Variants in TCF7L2 observed in about 807,000 individuals in gnomAD.
The protein encoded by TCF7L2 is transcription factor 7 like 2, also known as transcription factor 7-like 2.
TCF7L2 carries 23 observed loss-of-function variants against 77.9 expected under a neutral mutation model. The observed-to-expected ratio is 0.30, with a 90% confidence interval of 0.21 to 0.42. The LOEUF (loss-of-function observed/expected upper bound fraction) is 0.42. Among genes scored for constraint, TCF7L2 ranks in the 10% least tolerant of loss-of-function variants. The pLI is 1.00. For missense variants in TCF7L2, 654 were observed against 793.1 expected (o/e 0.82, Z 2.11); for synonymous variants, 413 against 340.2 (o/e 1.21, Z -2.36).
intron 5 of TCF7L2, among the ~76,000 whole-genome samples, chr10:113,092,492 G>T (rs1175781120): frequency 6.6e-6 from 1 of 152,246 alleles, no homozygotes; most frequent in African/African-American, 2.4e-5. Flanking sequence ...GTGTGTCTGT[G>T]TGATGGGCCA....
chr10:113,011,841 C>T (rs1226611766), intron 4 of TCF7L2, among the ~76,000 whole-genome samples: 1 of 151,652 alleles, frequency 6.6e-6, no homozygotes, highest in African/African-American at 2.4e-5. Flanking sequence ...TTGAGTATTA[C>T]CACCTTGAGT....
intron 4 of TCF7L2, among the ~76,000 whole-genome samples, chr10:113,011,690 G>T (rs550567789): frequency 2.1e-4 from 32 of 152,140 alleles, no homozygotes; most frequent in Admixed American, 2.0e-3. Context: ...GAGTATTACT[G>T]TTGAGCATAA....
chr10:113,064,480 C>T (rs1333993478), intron 5 of TCF7L2, among the ~76,000 whole-genome samples: 1 of 152,186 alleles, frequency 6.6e-6, no homozygotes, highest in Non-Finnish European at 1.5e-5. Context: ...CTACCTGTAA[C>T]ACTTTTATAA....
chr10:113,061,509 T>C (rs1251369034), intron 5 of TCF7L2, among the ~76,000 whole-genome samples: 1 of 152,184 alleles, frequency 6.6e-6, no homozygotes, highest in Non-Finnish European at 1.5e-5. Flanking sequence ...CCCTCTTATG[T>C]CTAGGTGTGA....
rs116030218 is a variant in TCF7L2, at chr10:113,128,334, C to A, written c.553-12850C>A. Among the ~76,000 whole-genome samples, 235 of 152,258 alleles carry A rather than the reference C, an allele frequency of 1.5e-3. 1 individual carries two copies. The highest frequency in any genetic ancestry group is 5.3e-3 in the African/African-American group (222 of 41,550). ...TTCCCACTTTTTTGTTATTTTTAAG[C>A]CTGCCCAGCCCTTGTTTTTGTTGAT... On this transcript the variant is annotated intron_variant, in intron 5 of 13. Transcript: ENST00000627217.
At chr10:112,962,553 G>A (rs1282272138) in intron 3 of TCF7L2, among the ~76,000 whole-genome samples, 1 of 152,076 alleles carries the variant, frequency 6.6e-6, no homozygotes, top group Admixed American at 6.6e-5. Context: ...GGGACAAAGG[G>A]TGCAAAGTCA....
intron 5 of TCF7L2, among the ~76,000 whole-genome samples, chr10:113,041,577 G>A (rs916529553): frequency 5.9e-5 from 9 of 152,184 alleles, no homozygotes; most frequent in African/African-American, 2.2e-4. Flanking sequence ...GCTGTGGCTG[G>A]TTCTGTTTTG....
chr10:112,970,680 G>C (rs546672539), intron 4 of TCF7L2, among the ~76,000 whole-genome samples: 2 of 152,096 alleles, frequency 1.3e-5, no homozygotes, highest in African/African-American at 2.4e-5. Flanking sequence ...TTTGCAGGGC[G>C]CTTGACTTTC....
At chr10:112,972,708 C>T (rs1393299169) in intron 4 of TCF7L2, among the ~76,000 whole-genome samples, 7 of 152,108 alleles carry the variant, frequency 4.6e-5, no homozygotes. Flanking sequence ...TGAGCTCAAG[C>T]TCTCCGCCTG....
At chr10:113,142,829 G>A (rs1231578591) in intron 6 of TCF7L2, among the ~76,000 whole-genome samples, 2 of 152,240 alleles carry the variant, frequency 1.3e-5, no homozygotes, top group Non-Finnish European at 2.9e-5. Context: ...TCTGTGGACT[G>A]TTTACTTTTC....
intron 5 of TCF7L2, among the ~76,000 whole-genome samples, chr10:113,114,899 C>T (rs1431256557): frequency 1.3e-5 from 2 of 152,072 alleles, no homozygotes; most frequent in Non-Finnish European, 1.5e-5. Context: ...AATTCAATAG[C>T]GTATTGAAAT....
In TCF7L2 at chr10:113,124,662, G is replaced by A. The variant is rs1456446239; in HGVS notation, c.553-16522G>A. Among the ~76,000 whole-genome samples, 3 of 152,074 alleles carry A rather than the reference G, an allele frequency of 2.0e-5. No homozygotes were observed. In the East Asian group the frequency reaches 5.8e-4, roughly 29 times the overall value. ...GATTTGGGTGAATTCAAATATGTTG[G>A]TTATGCCAGGTAAGCTGCAAATTTT... On this transcript the variant is annotated intron_variant, in intron 5 of 13. Transcript: ENST00000627217.
At chr10:113,042,185 A>G (rs1313811984) in intron 5 of TCF7L2, among the ~76,000 whole-genome samples, 1 of 152,208 alleles carries the variant, frequency 6.6e-6, no homozygotes, top group Admixed American at 6.5e-5. Flanking sequence ...ATGGCAAAAC[A>G]TTCCTTCCAG....
intron 12 of TCF7L2, among the ~76,000 whole-genome samples, 176 bp downstream of exon 14, chr10:113,160,168 G>A (rs1419837245): frequency 1.3e-5 from 2 of 151,860 alleles, no homozygotes; most frequent in Non-Finnish European, 2.9e-5. Flanking sequence ...TCCTGCTGCT[G>A]CCAGCCAAAA....
Position 113,070,249 on chromosome 10 carries a change from C to T in TCF7L2, c.552+30123C>T, listed in dbSNP as rs528959513. On this transcript the variant is annotated intron_variant, in intron 5 of 13. Coordinates refer to ENST00000627217, the MANE Select transcript of TCF7L2 (RefSeq NM_001146274.2). Reference sequence around the variant, plus strand: ...CCAGCCTGGCGACAGAGTGAGACTCCGTCTTAAAAAAAAAAAAATTTATAT... The same window carrying T: ...CCAGCCTGGCGACAGAGTGAGACTCTGTCTTAAAAAAAAAAAAATTTATAT... Among the ~76,000 whole-genome samples, 10 of 69,720 alleles carry T rather than the reference C, an allele frequency of 1.4e-4. No homozygotes were observed. In the East Asian group the frequency reaches 2.3e-3, roughly 16 times the overall value. 45.7% of individuals were successfully genotyped at this position (69,720 alleles called of 152,430 possible).
chr10:112,996,812 T>G (rs911786880), intron 4 of TCF7L2, among the ~76,000 whole-genome samples: 2 of 152,198 alleles, frequency 1.3e-5, no homozygotes, highest in Non-Finnish European at 2.9e-5. Context: ...GACCAGAGTC[T>G]AGGGTTCTAG....
intron 5 of TCF7L2, among the ~76,000 whole-genome samples, chr10:113,107,959 A>T (rs187044953): frequency 6.6e-6 from 1 of 152,256 alleles, no homozygotes; most frequent in Non-Finnish European, 1.5e-5. Flanking sequence ...AGTGAACCCT[A>T]GTAAAAACTG....
intron 5 of TCF7L2, among the ~76,000 whole-genome samples, chr10:113,056,912 G>A (rs185156730): frequency 8.5e-5 from 13 of 152,248 alleles, no homozygotes; most frequent in African/African-American, 2.9e-4. Flanking sequence ...TCTACAGAGC[G>A]GTCTCATCCA....
At chr10:113,160,047 C>G (rs1592469716) in intron 12 of TCF7L2, 55 bp downstream of exon 14, 2 of 1,513,424 alleles carry the variant, frequency 1.3e-6, no homozygotes, top group East Asian at 4.5e-5. Flanking sequence ...CTATTCGATC[C>G]TCTCCCCCTT....
Sources: gnomAD v4.1 joint callset for allele counts (sites outside exome capture counted in the v4.1 genomes callset) on GRCh38, gnomAD v4.1.1 for gene constraint, MANE v1.5 for transcripts, NCBI Gene and HGNC (gene_info 2026-07-23, HGNC 2026-07-21) for gene names.